The following TAFA4 variants were observed in gnomAD, a reference collection of about 807,000 sequenced individuals.
The protein encoded by TAFA4 is TAFA chemokine like family member 4.
In TAFA4, 20 loss-of-function variants were observed where a neutral mutation model predicts 21.1. That is an observed-to-expected ratio of 0.95 (90% CI 0.67 to 1.38). The LOEUF (loss-of-function observed/expected upper bound fraction) is 1.38. TAFA4 is among the 40% of genes most tolerant of loss of function. The pLI, the probability that TAFA4 is intolerant of heterozygous loss-of-function variation, is 0.00. For missense variants in TAFA4, 211 were observed against 180.9 expected, an observed-to-expected ratio of 1.17 and a Z score of -0.95; for synonymous variants, 71 against 67.4, an observed-to-expected ratio of 1.05 and a Z score of -0.26.
chr3:68,804,482 A>C (rs1200376836), intron 3 of TAFA4, among the ~76,000 whole-genome samples: 1 of 152,194 alleles, frequency 6.6e-6, no homozygotes, highest in Admixed American at 6.5e-5. Flanking sequence ...AAAAGAGCCC[A>C]CACTGCCAAG....
At chr3:68,845,266 G>A (rs1575637639) in intron 3 of TAFA4, among the ~76,000 whole-genome samples, 2 of 152,004 alleles carry the variant, frequency 1.3e-5, no homozygotes, top group African/African-American at 4.8e-5. Context: ...ATTATGTAAT[G>A]CCCTTGTGTT....
At chr3:68,798,188 T>C (rs1703493364) in intron 3 of TAFA4, among the ~76,000 whole-genome samples, 1 of 152,204 alleles carries the variant, frequency 6.6e-6, no homozygotes, top group African/African-American at 2.4e-5. Flanking sequence ...ATTTACTTGA[T>C]GCAATTGGTA....
chr3:68,917,828 C>T, intron 1 of TAFA4, among the ~76,000 whole-genome samples: 1 of 151,482 alleles, frequency 6.6e-6, no homozygotes, highest in Non-Finnish European at 1.5e-5. Context: ...AGGTAGAAAC[C>T]TAAGCTCTGA....
chr3:68,809,445 AT>A (rs541006171), intron 3 of TAFA4, among the ~76,000 whole-genome samples: 6 of 151,310 alleles, frequency 4.0e-5, no homozygotes, highest in African/African-American at 1.2e-4. Context: ...TTTGTTTGTG[AT>A]TTTTTTTAGT....
At chr3:68,901,336 A>C (rs1431373324) in intron 1 of TAFA4, among the ~76,000 whole-genome samples, 1 of 152,020 alleles carries the variant, frequency 6.6e-6, no homozygotes, top group Non-Finnish European at 1.5e-5. Context: ...AAAAATTCTT[A>C]TCTTTGCTTG....
At chr3:68,848,666 T>A (rs2872590) in intron 3 of TAFA4, among the ~76,000 whole-genome samples, 68,522 of 151,958 alleles carry the variant, frequency 0.45, 16,050 homozygotes, top group African/African-American at 0.54. Context: ...CCCTTTTAAC[T>A]TTCCCCACAT....
At chr3:68,744,354 G>A (rs1296610338) in intron 4 of TAFA4, among the ~76,000 whole-genome samples, 1 of 152,178 alleles carries the variant, frequency 6.6e-6, no homozygotes, top group Non-Finnish European at 1.5e-5. Flanking sequence ...GGGCTCTCGA[G>A]GAAAATTCAA....
Position 68,732,900 on chromosome 3 carries a change from T to C in TAFA4, c.*242A>G. 1.9e-6 allele frequency: 1 copy of C among 528,028 alleles called. No homozygotes were observed. The highest frequency in any genetic ancestry group is 3.4e-6 in the Non-Finnish European group (1 of 298,194). The allele number at this position is 528,028 out of a possible 1,614,324, so 32.7% of individuals were successfully genotyped here. On this transcript the variant is annotated 3_prime_UTR_variant, in exon 6 of 6. Coordinates refer to ENST00000295569, the MANE Select transcript of TAFA4 (RefSeq NM_182522.5). Reference sequence around the variant, plus strand: ...TTCTCGGATTTTGGAGGTATGCTCCTTGGGAATCCAGAGAGGATGTCAAAT... The same window carrying C: ...TTCTCGGATTTTGGAGGTATGCTCCCTGGGAATCCAGAGAGGATGTCAAAT...
intron 4 of TAFA4, among the ~76,000 whole-genome samples, chr3:68,746,682 C>T (rs1559757182): frequency 1.3e-5 from 2 of 152,266 alleles, no homozygotes; most frequent in African/African-American, 2.4e-5. Flanking sequence ...AGGAATCTTA[C>T]TTGTTCACAC....
chr3:68,843,240 C>T (rs142655800), intron 3 of TAFA4, among the ~76,000 whole-genome samples: 1 of 152,226 alleles, frequency 6.6e-6, no homozygotes, highest in African/African-American at 2.4e-5. Flanking sequence ...TGAGGACGTC[C>T]TTCACATCCC....
At chr3:68,764,021 T>G (rs1228339374) in intron 3 of TAFA4, among the ~76,000 whole-genome samples, 1 of 152,154 alleles carries the variant, frequency 6.6e-6, no homozygotes, top group Non-Finnish European at 1.5e-5. Flanking sequence ...CACTTATATT[T>G]TGTAAATATT....
intron 3 of TAFA4, among the ~76,000 whole-genome samples, chr3:68,818,344 T>C (rs941650824): frequency 2.0e-5 from 3 of 152,210 alleles, no homozygotes; most frequent in African/African-American, 7.2e-5. Context: ...TCTATCCAGA[T>C]TAAACTTTCT....
At chr3:68,916,882 A>G (rs1418258591) in intron 1 of TAFA4, among the ~76,000 whole-genome samples, 1 of 152,204 alleles carries the variant, frequency 6.6e-6, no homozygotes, top group African/African-American at 2.4e-5. Context: ...TAGAAGACTC[A>G]CTAGAAATAA....
intron 3 of TAFA4, among the ~76,000 whole-genome samples, chr3:68,880,184 A>G (rs996103056): frequency 6.6e-6 from 1 of 152,114 alleles, no homozygotes; most frequent in Non-Finnish European, 1.5e-5. Flanking sequence ...CTGCCTCTAA[A>G]TCTTTAGACA....
At chr3:68,846,439 T>G (rs1248647964) in intron 3 of TAFA4, among the ~76,000 whole-genome samples, 1 of 152,032 alleles carries the variant, frequency 6.6e-6, no homozygotes, top group Non-Finnish European at 1.5e-5. Context: ...AGGTTCTTAG[T>G]CTTCCTTGCA....
chr3:68,805,139 C>T (rs988966905), intron 3 of TAFA4, among the ~76,000 whole-genome samples: 2 of 152,098 alleles, frequency 1.3e-5, no homozygotes, highest in Non-Finnish European at 2.9e-5. Context: ...AAAAAGTGGG[C>T]AAAGGATATG....
intron 1 of TAFA4, among the ~76,000 whole-genome samples, chr3:68,908,772 A>G (rs1159704675): frequency 6.6e-6 from 1 of 152,192 alleles, no homozygotes; most frequent in African/African-American, 2.4e-5. Flanking sequence ...AAAGTATACT[A>G]CTCAAAAGTA....
intron 5 of TAFA4, among the ~76,000 whole-genome samples, chr3:68,735,837 T>C (rs1702232624): frequency 6.6e-6 from 1 of 152,168 alleles, no homozygotes. Context: ...TCAACCTTCA[T>C]ACTATTGACA....
chr3:68,738,839 T>G (rs899054411), intron 5 of TAFA4, among the ~76,000 whole-genome samples: 1 of 152,202 alleles, frequency 6.6e-6, no homozygotes, highest in African/African-American at 2.4e-5. Flanking sequence ...GAAATGAATT[T>G]AGTAGCCCTG....
Sources: allele counts gnomAD v4.1 joint callset (sites outside exome capture counted in the v4.1 genomes callset), GRCh38; gene constraint gnomAD v4.1.1; transcripts MANE v1.5; gene names NCBI Gene and HGNC (gene_info 2026-07-23, HGNC 2026-07-21).